Variants in CPQ observed in about 807,000 individuals in gnomAD.
The protein encoded by CPQ is Ser-Met dipeptidase.
A neutral mutation model predicts 45.7 loss-of-function variants in CPQ; 37 were observed. The observed-to-expected ratio is 0.81, with a 90% CI of 0.62 to 1.07. The LOEUF (loss-of-function observed/expected upper bound fraction) is 1.07, where lower values mean the gene tolerates loss of function less well. CPQ is among the 50% of genes least tolerant of loss of function. The pLI, the probability that CPQ is intolerant of heterozygous loss-of-function variation, is 0.00. For synonymous variants in CPQ, 186 were observed against 205.8 expected, an observed-to-expected ratio of 0.90 and a Z score of 0.82; for missense variants, 537 against 572.9, an observed-to-expected ratio of 0.94 and a Z score of 0.64.
intron 1 of CPQ, among the ~76,000 whole-genome samples, chr8:96,755,363 A>G (rs932018350): frequency 2.0e-5 from 3 of 151,842 alleles, no homozygotes; most frequent in Admixed American, 2.0e-4. Flanking sequence ...TGTCAGAACT[A>G]TATATATTTT....
intron 3 of CPQ, among the ~76,000 whole-genome samples, chr8:96,866,448 T>C (rs547661054): frequency 6.6e-6 from 1 of 152,186 alleles, no homozygotes; most frequent in Non-Finnish European, 1.5e-5. Flanking sequence ...GGAAAAATAG[T>C]TTTTAAAATT....
intron 7 of CPQ, among the ~76,000 whole-genome samples, chr8:97,107,575 G>C (rs1234261073): frequency 1.3e-5 from 2 of 151,466 alleles, no homozygotes; most frequent in South Asian, 2.1e-4. Context: ...AAGGGGCTAA[G>C]GACCATGTGG....
chr8:96,646,498 T>C (rs1385351159), intron 1 of CPQ, among the ~76,000 whole-genome samples: 1 of 152,228 alleles, frequency 6.6e-6, no homozygotes, highest in African/African-American at 2.4e-5. Flanking sequence ...AGACAGGTGC[T>C]GGCTGATTTG....
intron 1 of CPQ, among the ~76,000 whole-genome samples, chr8:96,755,753 A>G (rs1810319143): frequency 6.6e-6 from 1 of 151,930 alleles, no homozygotes; most frequent in African/African-American, 2.4e-5. Context: ...TTGTTGTTTT[A>G]TTTATCCTTA....
chr8:97,112,860 G>T (rs928168841), intron 7 of CPQ, among the ~76,000 whole-genome samples: 11 of 152,236 alleles, frequency 7.2e-5, no homozygotes, highest in African/African-American at 9.6e-5. Context: ...TTTCAGGCTT[G>T]CGCCTCTGGG....
intron 7 of CPQ, among the ~76,000 whole-genome samples, chr8:97,090,658 T>A (rs1372475234): frequency 6.6e-6 from 1 of 152,120 alleles, no homozygotes. Context: ...ATAACCAGTC[T>A]GGGATATGGT....
intron 5 of CPQ, among the ~76,000 whole-genome samples, chr8:97,024,001 C>T (rs1453488146): frequency 6.6e-6 from 1 of 152,188 alleles, no homozygotes; most frequent in Admixed American, 6.5e-5. Flanking sequence ...ACATTTCCAT[C>T]CTCAGCCATT....
At chr8:97,123,033 TA>T (rs1163506066) in intron 7 of CPQ, among the ~76,000 whole-genome samples, 2,243 of 31,534 alleles carry the variant, frequency 0.071, 334 homozygotes, top group Non-Finnish European at 0.11. Flanking sequence ...ATAAATAAAA[TA>T]AAATAAAATA....
rs114461512 is a variant in CPQ at position 96,759,699 on chromosome 8, C to T, written c.-34-25165C>T. On this transcript the variant is annotated intron_variant, in intron 1 of 7. Transcript: ENST00000220763. ...GAGACTGAGGTGCAGAACATTTAAG[C>T]GACTTGTCCAAAGTCATGCAGTGAG... Among the ~76,000 whole-genome samples the T allele has an allele frequency of 5.3e-3, 799 of 152,162 alleles. 4 individuals carry two copies. The highest frequency in any genetic ancestry group is 0.015 in the African/African-American group (630 of 41,496).
chr8:97,140,570 A>C (rs1276329161), intron 7 of CPQ, among the ~76,000 whole-genome samples: 1 of 152,076 alleles, frequency 6.6e-6, no homozygotes. Context: ...AAATAGAAAC[A>C]TATATAAACA....
At chr8:96,737,519 A>G (rs901213241) in intron 1 of CPQ, among the ~76,000 whole-genome samples, 2 of 152,002 alleles carry the variant, frequency 1.3e-5, no homozygotes, top group African/African-American at 4.8e-5. Flanking sequence ...CGAGAAAAAG[A>G]TGTAGGCTGG....
intron 4 of CPQ, among the ~76,000 whole-genome samples, chr8:96,895,868 G>A (rs1055244485): frequency 9.2e-5 from 14 of 152,184 alleles, no homozygotes; most frequent in African/African-American, 2.7e-4. Context: ...ATTATGGACA[G>A]TTAATGCATG....
At chr8:96,826,753 C>G (rs1349301730) in intron 2 of CPQ, among the ~76,000 whole-genome samples, 1 of 152,016 alleles carries the variant, frequency 6.6e-6, no homozygotes, top group Non-Finnish European at 1.5e-5. Flanking sequence ...CATGCATTAG[C>G]TGTTTTTGCC....
chr8:97,057,118 G>T (rs1810467004), intron 6 of CPQ, among the ~76,000 whole-genome samples: 1 of 152,142 alleles, frequency 6.6e-6, no homozygotes, highest in Non-Finnish European at 1.5e-5. Flanking sequence ...AGGAGGCTCT[G>T]TTAATTAACA....
chr8:97,093,155 A>G (rs1053078254), intron 7 of CPQ, among the ~76,000 whole-genome samples: 1 of 152,196 alleles, frequency 6.6e-6, no homozygotes, highest in Non-Finnish European at 1.5e-5. Flanking sequence ...TATTACTACA[A>G]TGTCAAAAAA....
chr8:96,885,749 G>A (rs374884463), intron 4 of CPQ, among the ~76,000 whole-genome samples: 79 of 152,292 alleles, frequency 5.2e-4, no homozygotes, highest in African/African-American at 1.9e-3. Context: ...TAATCTCAGG[G>A]AGGCCGAGGC....
intron 5 of CPQ, among the ~76,000 whole-genome samples, chr8:96,973,493 C>T (rs112300946): frequency 0.029 from 4,352 of 152,214 alleles, 206 homozygotes; most frequent in African/African-American, 0.098. Context: ...GAGATCTAGA[C>T]ATCCAAATAC....
intron 2 of CPQ, among the ~76,000 whole-genome samples, chr8:96,811,481 A>G (rs921316782): frequency 6.6e-6 from 1 of 152,178 alleles, no homozygotes; most frequent in East Asian, 1.9e-4. Context: ...GATATTATAG[A>G]TAATGTGACT....
intron 4 of CPQ, among the ~76,000 whole-genome samples, chr8:96,946,859 C>G (rs1485414038): frequency 6.6e-6 from 1 of 152,124 alleles, no homozygotes; most frequent in East Asian, 1.9e-4. Context: ...AGTCTCAACT[C>G]AAACCTTACT....
Sources: allele counts gnomAD v4.1 joint callset (sites outside exome capture counted in the v4.1 genomes callset), GRCh38; gene constraint gnomAD v4.1.1; transcripts MANE v1.5; gene names NCBI Gene and HGNC (gene_info 2026-07-23, HGNC 2026-07-21).